DCAF7: variants seen among roughly 807,000 people sequenced by gnomAD.
DCAF7 encodes DDB1 and CUL4 associated factor 7, also known as DDB1- and CUL4-associated factor 7.
A neutral mutation model predicts 41.2 loss-of-function variants in DCAF7; 4 were observed. The ratio of observed to expected loss-of-function variants is 0.10; its 90% CI spans 0.05 to 0.22. DCAF7 has a LOEUF of 0.22. DCAF7 is among the 10% of genes least tolerant of loss of function. The pLI is 1.00. For missense variants in DCAF7, 131 were observed against 443.2 expected (o/e 0.30, Z 6.32); for synonymous variants, 143 against 164.2 (o/e 0.87, Z 0.99).
intron 1 of DCAF7, among the ~76,000 whole-genome samples, chr17:63,554,829 A>G (rs547585371): frequency 6.6e-6 from 1 of 152,156 alleles, no homozygotes; most frequent in African/African-American, 2.4e-5. Flanking sequence ...CTGTTTAGTA[A>G]ATTTACTTTT....
chr17:63,559,848 G>A (rs1396825829), intron 1 of DCAF7, among the ~76,000 whole-genome samples: 1 of 152,066 alleles, frequency 6.6e-6, no homozygotes, highest in Non-Finnish European at 1.5e-5. Flanking sequence ...ATGGAAGAAT[G>A]TAAACATATA....
intron 4 of DCAF7, among the ~76,000 whole-genome samples, chr17:63,583,262 G>A (rs1220059570): frequency 6.6e-6 from 1 of 152,180 alleles, no homozygotes; most frequent in African/African-American, 2.4e-5. Flanking sequence ...AAGAAGACTT[G>A]GAAAGCAGGA....
At chr17:63,575,200 G>A (rs1270296910) in intron 1 of DCAF7, among the ~76,000 whole-genome samples, 2 of 152,058 alleles carry the variant, frequency 1.3e-5, no homozygotes, top group African/African-American at 2.4e-5. Context: ...GCGTGGTCAC[G>A]CACGCCTATA....
intron 4 of DCAF7, among the ~76,000 whole-genome samples, chr17:63,582,910 G>A (rs1192104209): frequency 6.6e-6 from 1 of 152,170 alleles, no homozygotes; most frequent in East Asian, 1.9e-4. Flanking sequence ...AACCAACTAG[G>A]AGAAGAAAAA....
rs1436745546 is a variant in DCAF7, at chr17:63,559,359, G to A, written c.138+8544G>A. ...CATACATATATATACGTATATATAT[G>A]TATGTATATATATATGTGTATATAT... On this transcript the variant is annotated intron_variant, in intron 1 of 6. Coordinates refer to ENST00000614556, the MANE Select transcript of DCAF7 (RefSeq NM_005828.5). Among the ~76,000 whole-genome samples, 194 of 102,664 alleles carry A rather than the reference G, an allele frequency of 1.9e-3. 3 individuals carry two copies. The highest frequency in any genetic ancestry group is 0.011 in the East Asian group (47 of 4,128). The allele number at this position is 102,664 out of a possible 152,430, so 67.4% of individuals were successfully genotyped here. A position where few individuals can be genotyped will look rare whatever the true frequency, so the allele number is the denominator to read the frequency against.
At chr17:63,553,438 C>T (rs941735203) in intron 1 of DCAF7, among the ~76,000 whole-genome samples, 7 of 152,252 alleles carry the variant, frequency 4.6e-5, no homozygotes, top group South Asian at 2.1e-4. Context: ...AGAAACCCTG[C>T]GAGAGAGAAG....
intron 4 of DCAF7, among the ~76,000 whole-genome samples, chr17:63,582,240 G>GA (rs1265737280): frequency 1.3e-5 from 2 of 151,478 alleles, no homozygotes; most frequent in African/African-American, 2.4e-5. Context: ...TTCATAGCCA[G>GA]AAAAAAAAGG....
intron 4 of DCAF7, among the ~76,000 whole-genome samples, chr17:63,581,233 G>A (rs2033619467): frequency 2.0e-5 from 3 of 152,102 alleles, no homozygotes; most frequent in African/African-American, 2.4e-5. Flanking sequence ...TTGAACAAGC[G>A]GCTACATTTT....
chr17:63,583,428 G>C, intron 4 of DCAF7, 74 bp from the exon 5 acceptor site: 3 of 1,321,542 alleles, frequency 2.3e-6, no homozygotes, highest in Non-Finnish European at 3.2e-6. Context: ...TGAACTGGAC[G>C]TGGCAGATTT....
At position 63,593,091 on chromosome 17, in the gene DCAF7, TG is replaced by T. The variant is rs2033751328; in HGVS notation, c.*3923del. 6.6e-6 allele frequency: 1 copy of T among 152,542 alleles called. No individual in the cohort carries two copies. The highest frequency in any genetic ancestry group is 6.5e-5 in the Admixed American group (1 of 15,278). The allele number at this position is 152,542 out of a possible 1,614,324, so 9.4% of individuals were successfully genotyped here. On this transcript the variant is annotated 3_prime_UTR_variant, in exon 7 of 7. Transcript: ENST00000614556. ...ATGGCAGCCCCTTTCATTCCTGGCT[TG>T]GGGTAGGGGAGACCATTGAAGTAGA...
Position 63,589,325 on chromosome 17 carries a change from C to T in DCAF7, c.*153C>T, listed in dbSNP as rs72845886. 0.048 allele frequency: 49,109 copies of T among 1,021,102 alleles called. 1,518 individuals carry two copies. The highest frequency in any genetic ancestry group is 0.059 in the Non-Finnish European group (40,234 of 676,406). The allele number at this position is 1,021,102 out of a possible 1,614,324, so 63.3% of individuals were successfully genotyped here. Reference sequence around the variant, plus strand: ...AGAAGCTGCTCTAGGAGTTCCTGGCCAGTCACCCCATCGCCCTCTGTGGCA... The same window carrying T: ...AGAAGCTGCTCTAGGAGTTCCTGGCTAGTCACCCCATCGCCCTCTGTGGCA... On this transcript the variant is annotated 3_prime_UTR_variant, in exon 7 of 7. Coordinates refer to ENST00000614556, the MANE Select transcript of DCAF7 (RefSeq NM_005828.5).
intron 1 of DCAF7, among the ~76,000 whole-genome samples, chr17:63,569,867 C>A (rs1478135182): frequency 6.6e-6 from 1 of 152,158 alleles, no homozygotes; most frequent in African/African-American, 2.4e-5. Context: ...TGTGCACCAC[C>A]ACGCTTTGCT....
chr17:63,552,082 A>T (rs1391510490), intron 1 of DCAF7, among the ~76,000 whole-genome samples: 1 of 151,934 alleles, frequency 6.6e-6, no homozygotes, highest in East Asian at 1.9e-4. Context: ...TGTCTCAGAA[A>T]AAAAAAGAAG....
At chr17:63,585,086 C>A in intron 5 of DCAF7, 125 bp from the exon 6 acceptor site, 1 of 722,328 alleles carries the variant, frequency 1.4e-6, no homozygotes, top group Non-Finnish European at 2.3e-6. Flanking sequence ...GAAATCCTGT[C>A]TCTAGTTCTT....
chr17:63,559,126 A>T lies in DCAF7; in HGVS notation c.138+8311A>T, dbSNP rs554929675. Among the ~76,000 whole-genome samples, 8 of 151,074 alleles carry T rather than the reference A, an allele frequency of 5.3e-5. No homozygotes were observed. In the South Asian group the frequency reaches 1.7e-3, roughly 31 times the overall value. On this transcript the variant is annotated intron_variant, in intron 1 of 6. Coordinates refer to ENST00000614556, the MANE Select transcript of DCAF7 (RefSeq NM_005828.5). ...GGAGTTCGAGACCAGCCTGGCCAAC[A>T]TAGTGAAAGCCCGTCTCTACTAAAA...
At chr17:63,578,790 A>G (rs1334508499) in intron 2 of DCAF7, among the ~76,000 whole-genome samples, 162 bp downstream of exon 2, 1 of 152,218 alleles carries the variant, frequency 6.6e-6, no homozygotes, top group East Asian at 1.9e-4. Context: ...TTGGCTCAGC[A>G]GATTTTCTAG....
chr17:63,551,494 T>A (rs1470498035), intron 1 of DCAF7, among the ~76,000 whole-genome samples: 1 of 152,160 alleles, frequency 6.6e-6, no homozygotes, highest in Non-Finnish European at 1.5e-5. Flanking sequence ...GCTAGTACAG[T>A]TGTGTGACCT....
At chr17:63,585,181 T>G (rs759503157) in intron 5 of DCAF7, 30 bp from the exon 6 acceptor site, 3 of 1,586,872 alleles carry the variant, frequency 1.9e-6, no homozygotes, top group Non-Finnish European at 2.6e-6. Context: ...ACTCTGATGA[T>G]CCCAGGCCTT....
chr17:63,569,803 C>T (rs2033485476), intron 1 of DCAF7, among the ~76,000 whole-genome samples: 1 of 152,142 alleles, frequency 6.6e-6, no homozygotes. Flanking sequence ...AATTCTGCCT[C>T]CCGGGTTCAA....
Sources: allele counts gnomAD v4.1 joint callset (sites outside exome capture counted in the v4.1 genomes callset), GRCh38; gene constraint gnomAD v4.1.1; transcripts MANE v1.5; gene names NCBI Gene and HGNC (gene_info 2026-07-23, HGNC 2026-07-21).